PRKG1: variants seen among roughly 807,000 people sequenced by gnomAD.
PRKG1 encodes protein kinase cGMP-dependent 1.
Under a neutral mutation model 88.1 loss-of-function variants are expected in PRKG1, and 35 were observed. That is an observed-to-expected ratio of 0.40 (90% CI 0.30 to 0.53). The LOEUF is 0.53. Ranked by LOEUF, PRKG1 falls within the 20% of genes least tolerant of loss-of-function variation. The pLI, the probability that PRKG1 is intolerant of heterozygous loss-of-function variation, is 0.59. For missense variants in PRKG1, 540 were observed against 839.8 expected (o/e 0.64, Z 4.41); for synonymous variants, 303 against 292.5 (o/e 1.04, Z -0.37).
intron 1 of PRKG1, among the ~76,000 whole-genome samples, chr10:51,132,735 AAT>A (rs199932608): frequency 2.0e-5 from 3 of 147,740 alleles, no homozygotes; most frequent in Non-Finnish European, 3.0e-5. Flanking sequence ...TATGTAATAT[AAT>A]ATATATATAT....
In PRKG1 at chr10:51,356,568, C is replaced by G. The variant is rs146844685; in HGVS notation, c.479-111155C>G. Among the ~76,000 whole-genome samples, 531 of 152,036 alleles carry G rather than the reference C, an allele frequency of 3.5e-3. 8 individuals are homozygous for G. The highest frequency in any genetic ancestry group is 0.013 in the African/African-American group (522 of 41,504). ...GCTCCTCCACTAGAATTCTGTCTCCCTCCCCTACTCTTTTTCCTCTGCTGC... is the reference window on the plus strand; with the variant it reads ...GCTCCTCCACTAGAATTCTGTCTCCGTCCCCTACTCTTTTTCCTCTGCTGC... On this transcript the variant is annotated intron_variant, in intron 2 of 17. Transcript: ENST00000373980.
chr10:52,194,550 G>A (rs1265996518), intron 9 of PRKG1, among the ~76,000 whole-genome samples: 1 of 152,136 alleles, frequency 6.6e-6, no homozygotes, highest in Non-Finnish European at 1.5e-5. Context: ...TATTCACCAT[G>A]TAAGGTAAAA....
At chr10:51,644,751 A>G (rs1839876913) in intron 3 of PRKG1, among the ~76,000 whole-genome samples, 1 of 152,006 alleles carries the variant, frequency 6.6e-6, no homozygotes, top group African/African-American at 2.4e-5. Flanking sequence ...GTCCATTGCT[A>G]CTGGGTTGGT....
chr10:51,480,048 C>T (rs976711392), intron 3 of PRKG1, among the ~76,000 whole-genome samples: 4 of 151,974 alleles, frequency 2.6e-5, no homozygotes, highest in Non-Finnish European at 4.4e-5. Flanking sequence ...TATTTACAAC[C>T]GTGTCATTAA....
At chr10:51,294,106 A>G (rs987063905) in intron 2 of PRKG1, among the ~76,000 whole-genome samples, 6 of 151,990 alleles carry the variant, frequency 3.9e-5, no homozygotes, top group Non-Finnish European at 7.4e-5. Context: ...GTTCTTATGT[A>G]TTTTGGATAT....
At chr10:51,971,495 ATT>A (rs1843712890) in intron 5 of PRKG1, among the ~76,000 whole-genome samples, 1 of 152,090 alleles carries the variant, frequency 6.6e-6, no homozygotes, top group Admixed American at 6.6e-5. Context: ...AAAGCTTTGA[ATT>A]CAGGCAGTTT....
chr10:51,403,298 C>T (rs1057145736), intron 2 of PRKG1, among the ~76,000 whole-genome samples: 1 of 152,086 alleles, frequency 6.6e-6, no homozygotes, highest in East Asian at 1.9e-4. Flanking sequence ...TGTTAATGCT[C>T]TTATTTTGAA....
chr10:51,553,330 G>A (rs115432558), intron 3 of PRKG1, among the ~76,000 whole-genome samples: 318 of 151,732 alleles, frequency 2.1e-3, no homozygotes, highest in African/African-American at 7.1e-3. Flanking sequence ...TACTTCTGGG[G>A]CCAGTTATTT....
intron 1 of PRKG1, among the ~76,000 whole-genome samples, chr10:51,118,495 C>G (rs959473868): frequency 1.3e-5 from 2 of 152,104 alleles, no homozygotes; most frequent in East Asian, 3.9e-4. Context: ...GATAATAACT[C>G]TGTTTATTAT....
chr10:51,957,940 T>C (rs1024022098), intron 5 of PRKG1, among the ~76,000 whole-genome samples: 1 of 152,190 alleles, frequency 6.6e-6, no homozygotes, highest in African/African-American at 2.4e-5. Context: ...GTGAGTTAGA[T>C]GCTCGGTTGA....
rs114418562 is a variant in PRKG1 at position 51,831,530 on chromosome 10, C to T, written c.698+26840C>T. ...AAAAGCAAGAAAGAATAAAAGTAGCCTGTGGGTAGAAAGACAACCCAGACC... is the reference window on the plus strand; with the variant it reads ...AAAAGCAAGAAAGAATAAAAGTAGCTTGTGGGTAGAAAGACAACCCAGACC... On this transcript the variant is annotated intron_variant, in intron 4 of 17. Transcript: ENST00000373980. Among the ~76,000 whole-genome samples, 721 of 152,218 alleles carry T rather than the reference C, an allele frequency of 4.7e-3. 8 individuals carry two copies. The highest frequency in any genetic ancestry group is 0.017 in the African/African-American group (693 of 41,554).
chr10:52,208,579 A>G (rs1296012055), intron 9 of PRKG1, among the ~76,000 whole-genome samples: 1 of 152,208 alleles, frequency 6.6e-6, no homozygotes, highest in African/African-American at 2.4e-5. Context: ...ACAAATTCAC[A>G]ACCACTCAGA....
At chr10:51,697,988 G>T (rs762789424) in intron 3 of PRKG1, 2 of 1,610,318 alleles carry the variant, frequency 1.2e-6, no homozygotes, top group South Asian at 2.2e-5. Context: ...TTGTATGCCT[G>T]CTCCCTGCAT....
chr10:51,942,338 GA>G lies in PRKG1; in HGVS notation c.762+34769del, dbSNP rs1176111843. On this transcript the variant is annotated intron_variant, in intron 5 of 17. Transcript: ENST00000373980. The stretch of plus-strand genomic sequence containing the variant: ...TGTAAATTTGTTTGAGTTCATTGTA[GA>G]TTCTAGATATTAGCCCTTTGTCAGA... 2.6e-3 allele frequency among the ~76,000 whole-genome samples: 390 copies of G among 152,098 alleles called. 3 individuals carry two copies. Among genetic ancestry groups the G allele is most frequent in the Non-Finnish European group, 2.8e-3 (191 of 68,012 alleles).
chr10:51,783,592 T>C (rs927648871), intron 3 of PRKG1, among the ~76,000 whole-genome samples: 5 of 152,004 alleles, frequency 3.3e-5, no homozygotes, highest in African/African-American at 1.2e-4. Context: ...AGACCAATGG[T>C]TCTTAAATGT....
intron 3 of PRKG1, among the ~76,000 whole-genome samples, chr10:51,767,313 T>C (rs1240210691): frequency 6.6e-6 from 1 of 152,110 alleles, no homozygotes; most frequent in Non-Finnish European, 1.5e-5. Context: ...CCAGAAAGAC[T>C]AAATAGTATG....
At chr10:52,196,199 G>A (rs187440089) in intron 9 of PRKG1, among the ~76,000 whole-genome samples, 35 of 152,070 alleles carry the variant, frequency 2.3e-4, no homozygotes, top group African/African-American at 8.2e-4. Flanking sequence ...GTATTTTTTA[G>A]TAGAGACGGG....
intron 3 of PRKG1, among the ~76,000 whole-genome samples, chr10:51,789,583 T>A (rs1473527302): frequency 1.3e-5 from 2 of 152,142 alleles, no homozygotes; most frequent in Admixed American, 1.3e-4. Flanking sequence ...ATATGAGGCC[T>A]GTTTATGATG....
chr10:51,307,781 G>T (rs1318702531), intron 2 of PRKG1, among the ~76,000 whole-genome samples: 1 of 151,942 alleles, frequency 6.6e-6, no homozygotes, highest in African/African-American at 2.4e-5. Context: ...AAAGTTTTAT[G>T]CTATACTTTT....
Sources: gnomAD v4.1 joint callset for allele counts (sites outside exome capture counted in the v4.1 genomes callset) on GRCh38, gnomAD v4.1.1 for gene constraint, MANE v1.5 for transcripts, NCBI Gene and HGNC (gene_info 2026-07-23, HGNC 2026-07-21) for gene names.